The following CPNE4 variants were observed in gnomAD, a reference collection of about 807,000 sequenced individuals.
The protein encoded by CPNE4 is copine-4.
Under a neutral mutation model 67.9 loss-of-function variants are expected in CPNE4, and 25 were observed. That is an observed-to-expected ratio of 0.37 (90% CI 0.27 to 0.51). The LOEUF (loss-of-function observed/expected upper bound fraction) is 0.51. CPNE4 is among the 20% of genes least tolerant of loss of function. The pLI is 0.93. For missense variants in CPNE4, 464 were observed against 690.8 expected (o/e 0.67, Z 3.68); for synonymous variants, 242 against 244.9 (o/e 0.99, Z 0.11).
intron 11 of CPNE4, among the ~76,000 whole-genome samples, chr3:131,563,039 C>G (rs573242149): frequency 6.6e-6 from 1 of 152,020 alleles, no homozygotes; most frequent in East Asian, 1.9e-4. Flanking sequence ...TCCAGAGACA[C>G]AGGCAGGCAG....
chr3:131,782,427 A>G (rs1274951138), intron 2 of CPNE4, among the ~76,000 whole-genome samples: 1 of 152,046 alleles, frequency 6.6e-6, no homozygotes, highest in Non-Finnish European at 1.5e-5. Flanking sequence ...CACTTTAGAC[A>G]TATATAAATT....
At chr3:131,556,427 A>G (rs1308915356) in intron 11 of CPNE4, among the ~76,000 whole-genome samples, 2 of 152,188 alleles carry the variant, frequency 1.3e-5, no homozygotes, top group African/African-American at 4.8e-5. Context: ...AATTTGACAG[A>G]GCTTGGTTCC....
intron 2 of CPNE4, among the ~76,000 whole-genome samples, chr3:131,880,101 T>G (rs2087611008): frequency 6.6e-6 from 1 of 151,426 alleles, no homozygotes; most frequent in Non-Finnish European, 1.5e-5. Context: ...ACAAAGACGG[T>G]CCATGGCATA....
intron 12 of CPNE4, among the ~76,000 whole-genome samples, chr3:131,552,870 T>C (rs1936258998): frequency 6.6e-6 from 1 of 151,872 alleles, no homozygotes; most frequent in Non-Finnish European, 1.5e-5. Context: ...AAAACAAAAA[T>C]AAAAACAAAA....
At chr3:131,612,235 G>A (rs140379781) in intron 7 of CPNE4, among the ~76,000 whole-genome samples, 2,211 of 152,142 alleles carry the variant, frequency 0.015, 48 homozygotes, top group African/African-American at 0.05. Flanking sequence ...TTAGCCAGGC[G>A]TGGTGGCGGG....
At chr3:132,031,889 A>G (rs2074243909) in intron 1 of CPNE4, among the ~76,000 whole-genome samples, 1 of 152,196 alleles carries the variant, frequency 6.6e-6, no homozygotes, top group South Asian at 2.1e-4. Context: ...TAATCTAATT[A>G]TTTAAAAGAA....
At chr3:131,825,438 G>A (rs1003301960) in intron 2 of CPNE4, among the ~76,000 whole-genome samples, 2 of 150,576 alleles carry the variant, frequency 1.3e-5, no homozygotes, top group African/African-American at 4.9e-5. Context: ...AGGTTGCAGT[G>A]AGCTGATATC....
intron 5 of CPNE4, among the ~76,000 whole-genome samples, chr3:131,695,620 A>T (rs12636134): frequency 2.0e-5 from 3 of 152,206 alleles, no homozygotes; most frequent in African/African-American, 7.2e-5. Flanking sequence ...TGGGGAGATG[A>T]TGAAGGAGAA....
chr3:132,002,574 G>T (rs1477991164), intron 1 of CPNE4, among the ~76,000 whole-genome samples: 1 of 152,120 alleles, frequency 6.6e-6, no homozygotes, highest in East Asian at 1.9e-4. Context: ...ATTGACACTT[G>T]TCCTCAGGAA....
At chr3:131,721,193 C>T (rs2081873466) in intron 3 of CPNE4, among the ~76,000 whole-genome samples, 1 of 152,040 alleles carries the variant, frequency 6.6e-6, no homozygotes, top group African/African-American at 2.4e-5. Context: ...TGTTTTTTGG[C>T]TCACCACAGT....
chr3:131,756,786 T>C (rs549333415), intron 2 of CPNE4, among the ~76,000 whole-genome samples: 125 of 152,270 alleles, frequency 8.2e-4, no homozygotes, highest in Middle Eastern at 6.8e-3. Context: ...TCAACTTGGA[T>C]TGTATCTCCC....
intron 2 of CPNE4, among the ~76,000 whole-genome samples, chr3:131,901,635 T>A (rs1583426652): frequency 6.6e-6 from 1 of 151,878 alleles, no homozygotes; most frequent in East Asian, 1.9e-4. Flanking sequence ...ACCCATCTGG[T>A]AGGAGTAGGA....
chr3:131,888,422 G>C (rs538389850), intron 2 of CPNE4, among the ~76,000 whole-genome samples: 2 of 151,588 alleles, frequency 1.3e-5, no homozygotes, highest in Non-Finnish European at 2.9e-5. Flanking sequence ...AAAGTCTCTA[G>C]GACTAACTAC....
intron 1 of CPNE4, among the ~76,000 whole-genome samples, chr3:131,939,105 T>C (rs1333956912): frequency 6.6e-6 from 1 of 152,166 alleles, no homozygotes. Flanking sequence ...TAAACGCATA[T>C]ACCCTTTGAT....
chr3:131,596,697 C>T (rs1352429178), intron 7 of CPNE4, among the ~76,000 whole-genome samples: 5 of 133,870 alleles, frequency 3.7e-5, no homozygotes, highest in African/African-American at 1.1e-4. Context: ...GGGCCTGATA[C>T]AATTAATTGA....
chr3:131,710,077 G>A lies in CPNE4; in HGVS notation c.361-10097C>T, dbSNP rs536577766. 2.0e-5 allele frequency among the ~76,000 whole-genome samples: 3 copies of A among 152,326 alleles called. No homozygotes were observed. The East Asian group carries it at 5.8e-4, about 29-fold the overall frequency. On this transcript the variant is annotated intron_variant, in intron 3 of 15. Coordinates refer to ENST00000429747, the MANE Select transcript of CPNE4 (RefSeq NM_130808.3). ...CTGAATCTGCAGTGCCTACAAGAGTGTCTGGCACATAGTAAGTTCCAATAA... is the reference window on the plus strand; with the variant it reads ...CTGAATCTGCAGTGCCTACAAGAGTATCTGGCACATAGTAAGTTCCAATAA...
intron 4 of CPNE4, 45 bp downstream of exon 4, chr3:131,699,864 G>A: frequency 6.4e-7 from 1 of 1,555,496 alleles, no homozygotes; most frequent in South Asian, 1.2e-5. Flanking sequence ...AGTCCGCCCA[G>A]GCTCTCCACT....
intron 1 of CPNE4, among the ~76,000 whole-genome samples, chr3:132,007,193 C>T (rs930520280): frequency 1.3e-5 from 2 of 152,186 alleles, no homozygotes; most frequent in Non-Finnish European, 2.9e-5. Context: ...AAGGGTCTTA[C>T]AGAGTTCATG....
chr3:132,029,280 A>G (rs2074187566), intron 1 of CPNE4, among the ~76,000 whole-genome samples: 1 of 152,192 alleles, frequency 6.6e-6, no homozygotes, highest in South Asian at 2.1e-4. Flanking sequence ...AGGCACTGGA[A>G]GACACCACCA....
Sources: gnomAD v4.1 joint callset for allele counts (sites outside exome capture counted in the v4.1 genomes callset) on GRCh38, gnomAD v4.1.1 for gene constraint, MANE v1.5 for transcripts, NCBI Gene and HGNC (gene_info 2026-07-23, HGNC 2026-07-21) for gene names.